Variants in LIPH observed in about 807,000 individuals in gnomAD.
The protein encoded by LIPH is lipase H.
In LIPH, 32 loss-of-function variants were observed where a neutral mutation model predicts 47.6. The observed-to-expected ratio is 0.67, with a 90% CI of 0.51 to 0.90. The LOEUF is 0.90. Ranked by LOEUF, LIPH falls within the 40% of genes least tolerant of loss-of-function variation. The pLI, the probability that LIPH is intolerant of heterozygous loss-of-function variation, is 0.00. For synonymous variants in LIPH, 190 were observed against 195.6 expected (o/e 0.97, Z 0.24); for missense variants, 497 against 541.4 (o/e 0.92, Z 0.81).
rs1478957505 is a variant in LIPH at position 185,522,624 on chromosome 3, AAAG to A, written c.718+1444_718+1446del. On this transcript the variant is annotated intron_variant, in intron 5 of 9. Transcript: ENST00000296252. Reference sequence around the variant, plus strand: ...AGAAGGAAGGGAGGGAGAGAGAAAGAAAGAAGGAAAAGAAAGAGAGAAAGAAAA... The same window carrying A: ...AGAAGGAAGGGAGGGAGAGAGAAAGAAAGGAAAAGAAAGAGAGAAAGAAAA... Among the ~76,000 whole-genome samples the A allele has an allele frequency of 4.5e-5, 6 of 132,802 alleles. No individual in the cohort carries two copies. In the South Asian group the frequency reaches 9.3e-4, roughly 21 times the overall value. The allele number at this position is 132,802 out of a possible 152,430, so 87.1% of individuals were successfully genotyped here. A position where few individuals can be genotyped will look rare whatever the true frequency, so the allele number is the denominator to read the frequency against.
chr3:185,523,923 T>A (rs936172612), intron 5 of LIPH, 148 bp downstream of exon 5: 7 of 601,632 alleles, frequency 1.2e-5, no homozygotes, highest in South Asian at 5.3e-5. Context: ...GGTTTCACTA[T>A]GTTGGCCAGG....
In LIPH at chr3:185,519,309, C is replaced by T. The variant is rs767008546; in HGVS notation, c.719G>A (p.Gly240Glu). 2 of 1,610,020 alleles carry T rather than the reference C, an allele frequency of 1.2e-6. No homozygotes were observed. The highest frequency in any genetic ancestry group is 1.7e-5 in the Admixed American group (1 of 60,014). Residue 240 changes from glycine to glutamate, a missense_variant and splice_region_variant, in exon 6 of 10, where the codon GGA (glycine) becomes GAA (glutamate). Coordinates refer to ENST00000296252, the MANE Select transcript of LIPH (RefSeq NM_139248.3). ...QPGCPKTILG[G>E]FQYFKCDHQR... ...GTGGTCACATTTAAAATACTGAAAT[C>T]CTTGGTTGTAAAAGAAGTGATGAAA... is the stretch of plus-strand genomic sequence containing the variant.
intron 7 of LIPH, among the ~76,000 whole-genome samples, chr3:185,516,273 A>C (rs1376117737): frequency 6.6e-6 from 1 of 151,956 alleles, no homozygotes; most frequent in Non-Finnish European, 1.5e-5. Flanking sequence ...TCTCTACTAA[A>C]AATACAAAAA....
intron 3 of LIPH, among the ~76,000 whole-genome samples, chr3:185,533,337 C>T (rs996543659): frequency 6.6e-6 from 1 of 152,186 alleles, no homozygotes; most frequent in Admixed American, 6.5e-5. Flanking sequence ...AAAGTCACTA[C>T]TCATCTTTTC....
At chr3:185,509,427 G>A (rs1719485764) in intron 9 of LIPH, among the ~76,000 whole-genome samples, 1 of 151,930 alleles carries the variant, frequency 6.6e-6, no homozygotes, top group South Asian at 2.1e-4. Context: ...CCAGGAGTTG[G>A]AGACCAGCCT....
chr3:185,509,416 G>A (rs1719485353), intron 9 of LIPH, among the ~76,000 whole-genome samples: 1 of 152,156 alleles, frequency 6.6e-6, no homozygotes, highest in African/African-American at 2.4e-5. Context: ...ATCACCTGAG[G>A]CCAGGAGTTG....
chr3:185,540,809 C>A (rs1488342912), intron 1 of LIPH, among the ~76,000 whole-genome samples: 1 of 151,940 alleles, frequency 6.6e-6, no homozygotes, highest in East Asian at 1.9e-4. Context: ...AGACTACATG[C>A]AGAACTGTTC....
At position 185,515,467 on chromosome 3, in the gene LIPH, C is replaced by A. The variant is rs75018479; in HGVS notation, c.983-946G>T. On this transcript the variant is annotated intron_variant, in intron 7 of 9. Transcript: ENST00000296252. Reference sequence around the variant, plus strand: ...GACCAGGTAGGTGCCAAATCCTGGGCTGCCACACATGGCTCCAAAGAAAGA... The same window carrying A: ...GACCAGGTAGGTGCCAAATCCTGGGATGCCACACATGGCTCCAAAGAAAGA... 1.8e-3 allele frequency among the ~76,000 whole-genome samples: 280 copies of A among 151,986 alleles called. 1 individual carries two copies. Among genetic ancestry groups the A allele is most frequent in the African/African-American group, 6.4e-3 (264 of 41,490 alleles).
At chr3:185,523,947 C>A in intron 5 of LIPH, 124 bp downstream of exon 5, 1 of 675,234 alleles carries the variant, frequency 1.5e-6, no homozygotes, top group Non-Finnish European at 2.7e-6. Context: ...GTCTCAAACT[C>A]CTGACCTCAG....
At chr3:185,547,865 A>T (rs1368864477) in intron 1 of LIPH, among the ~76,000 whole-genome samples, 1 of 151,950 alleles carries the variant, frequency 6.6e-6, no homozygotes, top group East Asian at 1.9e-4. Flanking sequence ...GAAAGTATTT[A>T]CTGAGACCCA....
chr3:185,522,650 A>AAGAAAGAAAAGAAAGAAAGAAAGAAAG (rs1235808164), intron 5 of LIPH, among the ~76,000 whole-genome samples: 41 of 141,896 alleles, frequency 2.9e-4, no homozygotes, highest in East Asian at 2.1e-4. Flanking sequence ...GAGAGAAAGA[A>AAGAAAGAAAAGAAAGAAAGAAAGAAAG]AAAGAAAGAA....
chr3:185,536,327 A>G (rs1436177922), intron 1 of LIPH, among the ~76,000 whole-genome samples: 1 of 152,076 alleles, frequency 6.6e-6, no homozygotes, highest in Non-Finnish European at 1.5e-5. Flanking sequence ...GCAAGGCACT[A>G]CCGATGGCCA....
rs1000667584 is a variant in LIPH, at chr3:185,519,203, A to C, written c.825T>G (p.Asp275Glu). 2 of 1,613,644 alleles carry C rather than the reference A, an allele frequency of 1.2e-6. No homozygotes were observed. The highest frequency in any genetic ancestry group is 1.3e-5 in the African/African-American group (1 of 74,880). Residue 275 changes from aspartate to glutamate, a missense_variant, in exon 6 of 10, where the codon GAT becomes GAG. By Grantham distance (45) the Asp-to-Glu change is conservative (BLOSUM62 2). Coordinates refer to ENST00000296252, the MANE Select transcript of LIPH (RefSeq NM_139248.3). ...ITAYPCDSYQ[D>E]YRNGKCVSCG... ...AGCTGACACACTTGCCATTCCTATA[A>C]TCCTGGTAGGAGTCACAGGGATACG...
intron 4 of LIPH, among the ~76,000 whole-genome samples, chr3:185,526,941 T>G (rs1223540291): frequency 3.9e-5 from 6 of 152,064 alleles, no homozygotes; most frequent in Non-Finnish European, 5.9e-5. Flanking sequence ...TTGAGCATGA[T>G]GATTCCTTTA....
chr3:185,517,174 G>C lies in LIPH; in HGVS notation c.887-12C>G. ...ATCAGCATAATAGCCTATGAAACAA[G>C]TTTAAAAAATTGTAAGATTAATATG... On this transcript the variant is annotated splice_polypyrimidine_tract_variant and intron_variant, in intron 6 of 9. Coordinates refer to ENST00000296252, the MANE Select transcript of LIPH (RefSeq NM_139248.3). 6.9e-7 allele frequency: 1 copy of C among 1,446,482 alleles called. No homozygotes were observed. Among genetic ancestry groups the C allele is most frequent in the South Asian group, 1.1e-5 (1 of 87,608 alleles). The allele number at this position is 1,446,482 out of a possible 1,614,324, so 89.6% of individuals were successfully genotyped here. A position where few individuals can be genotyped will look rare whatever the true frequency, so the allele number is the denominator to read the frequency against.
chr3:185,543,122 T>C (rs1413922221), intron 1 of LIPH, among the ~76,000 whole-genome samples: 1 of 152,030 alleles, frequency 6.6e-6, no homozygotes, highest in African/African-American at 2.4e-5. Flanking sequence ...GGCAGGAGAA[T>C]TGCTTGAACC....
At chr3:185,531,745 C>G (rs1720338453) in intron 3 of LIPH, among the ~76,000 whole-genome samples, 1 of 152,000 alleles carries the variant, frequency 6.6e-6, no homozygotes, top group African/African-American at 2.4e-5. Flanking sequence ...AAATAGATGG[C>G]TCCTGAATCT....
intron 7 of LIPH, among the ~76,000 whole-genome samples, chr3:185,516,488 G>T (rs1388956773): frequency 6.6e-6 from 1 of 152,118 alleles, no homozygotes; most frequent in Non-Finnish European, 1.5e-5. Flanking sequence ...GTGAAAATGG[G>T]TACAAGACTG....
At chr3:185,547,135 T>C (rs1577692583) in intron 1 of LIPH, among the ~76,000 whole-genome samples, 1 of 146,814 alleles carries the variant, frequency 6.8e-6, no homozygotes, top group Admixed American at 6.9e-5. Flanking sequence ...AAAGACTCCG[T>C]CTCAAAAAAA....
Sources: allele counts gnomAD v4.1 joint callset (sites outside exome capture counted in the v4.1 genomes callset), GRCh38; gene constraint gnomAD v4.1.1; transcripts MANE v1.5; gene names NCBI Gene and HGNC (gene_info 2026-07-23, HGNC 2026-07-21).